Variants in DNAH6 observed in about 807,000 individuals in gnomAD.
DNAH6 encodes the protein axonemal beta dynein heavy chain 6.
Under a neutral mutation model 491.4 loss-of-function variants are expected in DNAH6, and 340 were observed. The observed-to-expected ratio is 0.69, with a 90% confidence interval of 0.63 to 0.76. The LOEUF is 0.76. DNAH6 is among the 30% of genes least tolerant of loss of function. DNAH6 has a pLI of 0.00. For missense variants in DNAH6, 4,443 were observed against 4,972.2 expected, an observed-to-expected ratio of 0.89 and a Z score of 3.20; for synonymous variants, 1,603 against 1,686.1, an observed-to-expected ratio of 0.95 and a Z score of 1.21.
intron 68 of DNAH6, among the ~76,000 whole-genome samples, chr2:84,795,988 T>C (rs761807269): frequency 2.9e-4 from 44 of 152,236 alleles, no homozygotes; most frequent in Non-Finnish European, 5.7e-4. Context: ...CAATCAATGA[T>C]AAGACTCAAA....
At chr2:84,782,574 C>T (rs1241049526) in intron 65 of DNAH6, among the ~76,000 whole-genome samples, 2 of 152,192 alleles carry the variant, frequency 1.3e-5, no homozygotes, top group African/African-American at 4.8e-5. Flanking sequence ...CCCTTCACTT[C>T]CTGGCCCCCT....
chr2:84,636,077 T>A (rs893277540), intron 30 of DNAH6, among the ~76,000 whole-genome samples: 5 of 152,172 alleles, frequency 3.3e-5, no homozygotes, highest in African/African-American at 1.2e-4. Flanking sequence ...TCTCATTATG[T>A]CCCTAATGAT....
At chr2:84,534,267 T>A (rs73945112) in intron 4 of DNAH6, among the ~76,000 whole-genome samples, 1,706 of 152,060 alleles carry the variant, frequency 0.011, 29 homozygotes, top group African/African-American at 0.039. Flanking sequence ...AACTTATTTT[T>A]TAAAAAAAAA....
intron 61 of DNAH6, among the ~76,000 whole-genome samples, chr2:84,731,020 A>G (rs1483625429): frequency 6.6e-6 from 1 of 152,250 alleles, no homozygotes; most frequent in Admixed American, 6.5e-5. Flanking sequence ...TGAAAATTAT[A>G]TAAGGATCAT....
Position 84,762,954 on chromosome 2 carries a change from ATGT to A in DNAH6, c.10703+13_10703+15del. On this transcript the variant is annotated intron_variant, in intron 64 of 76. Coordinates refer to ENST00000389394, the MANE Select transcript of DNAH6 (RefSeq NM_001370.2). ...AGTGGATATTCAGAACGGTAAGTTC[ATGT>A]TGTGCAGTTTTAATAATGCAAATGC... is the stretch of plus-strand genomic sequence containing the variant. The A allele has an allele frequency of 6.5e-7, 1 of 1,547,110 alleles. No individual in the cohort carries two copies. Among genetic ancestry groups the A allele is most frequent in the Non-Finnish European group, 8.7e-7 (1 of 1,144,154 alleles).
chr2:84,508,557 T>C, the DNAH6 span, among the ~76,000 whole-genome samples: 2 of 152,200 alleles, frequency 1.3e-5, no homozygotes, highest in Non-Finnish European at 2.9e-5. Context: ...TTTTTATGTC[T>C]TTATTTCCTT....
rs144711803 is a variant in DNAH6, at chr2:84,603,998, G to A, written c.2869-341G>A. 1.5e-4 allele frequency among the ~76,000 whole-genome samples: 23 copies of A among 152,150 alleles called. No individual in the cohort carries two copies. The East Asian group carries it at 1.9e-3, about 13-fold the overall frequency. On this transcript the variant is annotated intron_variant, in intron 18 of 76. Coordinates refer to ENST00000389394, the MANE Select transcript of DNAH6 (RefSeq NM_001370.2). ...TTCTACCCCGCACTTAATATTTAGC[G>A]CTCTATTTTTAAAATTTAGCTGAAT...
At chr2:84,691,347 G>A (rs768301993) in intron 45 of DNAH6, among the ~76,000 whole-genome samples, 6 of 152,122 alleles carry the variant, frequency 3.9e-5, no homozygotes, top group Non-Finnish European at 5.9e-5. Context: ...TCAACTGTAG[G>A]ACACTTGTAC....
rs1170153615 is a variant in DNAH6 at position 84,669,434 on chromosome 2, G to A, written c.6230G>A (p.Arg2077His). The A allele has an allele frequency of 5.2e-6, 8 of 1,551,882 alleles. No homozygotes were observed. The highest frequency in any genetic ancestry group is 2.0e-5 in the Admixed American group (1 of 50,986). Residue 2077 changes from arginine to histidine, a missense_variant, in exon 38 of 77, where the codon CGC (arginine) becomes CAC (histidine). Physicochemically the swap from Arg to His is conservative, Grantham distance 29 (BLOSUM62 0). Around this residue, in one of 3 missense-constraint regions of DNAH6, gnomAD observed 2,977 missense variants for 3,296.6 expected, o/e 0.90. Transcript: ENST00000389394. ...CTTGTCCCCACAACTGACACAGTGCGCTATGGGTATCTAATGGAAAAACTA... is the reference window on the plus strand; with the variant it reads ...CTTGTCCCCACAACTGACACAGTGCACTATGGGTATCTAATGGAAAAACTA... ...EMLVPTTDTV[R>H]YGYLMEKLLA...
chr2:84,685,478 T>C lies in DNAH6; in HGVS notation c.7063+6T>C. ...TATTCTGACAGAAATGGCCAGTAAA[T>C]ATGAATCTTTACCTATTCTTTTTTT... is the stretch of plus-strand genomic sequence containing the variant. On this transcript the variant is annotated splice_donor_region_variant and intron_variant, in intron 43 of 76. Transcript: ENST00000389394. 6.9e-6 allele frequency: 10 copies of C among 1,448,408 alleles called. No individual in the cohort carries two copies. The highest frequency in any genetic ancestry group is 9.2e-6 in the Non-Finnish European group (10 of 1,088,744). The allele number at this position is 1,448,408 out of a possible 1,614,324, so 89.7% of individuals were successfully genotyped here. A position where few individuals can be genotyped will look rare whatever the true frequency, so the allele number is the denominator to read the frequency against.
chr2:84,760,948 T>C (rs2105125715), intron 63 of DNAH6, among the ~76,000 whole-genome samples: 1 of 152,260 alleles, frequency 6.6e-6, no homozygotes, highest in East Asian at 1.9e-4. Flanking sequence ...TATCATTTGA[T>C]CCAGCAGTCT....
chr2:84,779,605 T>C (rs1676482116), intron 64 of DNAH6, among the ~76,000 whole-genome samples: 1 of 152,208 alleles, frequency 6.6e-6, no homozygotes, highest in Admixed American at 6.5e-5. Flanking sequence ...ACTCTGTGCC[T>C]GTTAAATGGG....
chr2:84,710,699 G>A (rs1024408817), intron 56 of DNAH6, among the ~76,000 whole-genome samples: 11 of 152,146 alleles, frequency 7.2e-5, no homozygotes, highest in East Asian at 1.9e-4. Flanking sequence ...GGTGAGCTGC[G>A]CTGAAAATTC....
chr2:84,515,297 G>C (rs1675516643), upstream of DNAH6, among the ~76,000 whole-genome samples: 1 of 152,106 alleles, frequency 6.6e-6, no homozygotes, highest in Non-Finnish European at 1.5e-5. Context: ...CTCTCTTGCT[G>C]TTTCCAGTTT....
chr2:84,655,431 T>A (rs1690861116), intron 35 of DNAH6, among the ~76,000 whole-genome samples: 1 of 152,088 alleles, frequency 6.6e-6, no homozygotes, highest in South Asian at 2.1e-4. Context: ...TAACAAGTAG[T>A]CCTTTGAGAT....
At position 84,816,071 on chromosome 2, in the gene DNAH6, C is replaced by T. The variant is rs770418579; in HGVS notation, c.12361C>T (p.Leu4121Phe). ...TAAAACAGGAGCCCGGGCAGGAACA[C>T]TCTCAACCACAGGTGAGGATGTTCT... ...LYKTGARAGT[L>F]STTGHSTNFV... Residue 4121 changes from leucine to phenylalanine, a missense_variant, in exon 76 of 77, where the codon CTC (leucine) becomes TTC (phenylalanine). Physicochemically the swap from Leu to Phe is conservative, Grantham distance 22. Around this residue, in one of 3 missense-constraint regions of DNAH6, gnomAD observed 1,463 missense variants for 1,656.6 expected, o/e 0.88. Coordinates refer to ENST00000389394, the MANE Select transcript of DNAH6 (RefSeq NM_001370.2). 4.5e-5 allele frequency: 70 copies of T among 1,549,834 alleles called. 1 individual carries two copies. In the South Asian group the frequency reaches 7.3e-4, roughly 16 times the overall value.
At chr2:84,743,963 A>C (rs1017507997) in intron 62 of DNAH6, among the ~76,000 whole-genome samples, 1 of 152,228 alleles carries the variant, frequency 6.6e-6, no homozygotes. Context: ...GTCCTTTTGC[A>C]ATACATGGTT....
In DNAH6 at chr2:84,624,574, A is replaced by G; in HGVS notation, c.4307A>G (p.Tyr1436Cys). The stretch of plus-strand genomic sequence containing the variant: ...GCGCTCTCTCAGTACACTTATGGCT[A>G]TGAATATTTGGGTGCATGCCCAAGA... Reference protein sequence around the residue: ...RMALSQYTYGYEYLGACPRLV... With the variant: ...RMALSQYTYGCEYLGACPRLV... Residue 1436 changes from tyrosine to cysteine, a missense_variant, in exon 28 of 77, where the codon TAT becomes TGT. Physicochemically the swap from Tyr to Cys is radical, Grantham distance 194. Around this residue, in one of 3 missense-constraint regions of DNAH6, gnomAD observed 2,977 missense variants for 3,296.6 expected, o/e 0.90. Transcript: ENST00000389394. 1.3e-6 allele frequency: 2 copies of G among 1,551,624 alleles called. No homozygotes were observed. The highest frequency in any genetic ancestry group is 1.2e-5 in the South Asian group (1 of 84,064).
intron 37 of DNAH6, among the ~76,000 whole-genome samples, chr2:84,667,447 A>G (rs1016320072): frequency 1.3e-5 from 2 of 152,252 alleles, no homozygotes; most frequent in African/African-American, 2.4e-5. Flanking sequence ...GAAGGATGTG[A>G]ACAGATACTT....
Sources: allele counts gnomAD v4.1 joint callset (sites outside exome capture counted in the v4.1 genomes callset), GRCh38; gene constraint gnomAD v4.1.1; regional missense constraint gnomAD v4.1.1; transcripts MANE v1.5; gene names NCBI Gene and HGNC (gene_info 2026-07-23, HGNC 2026-07-21).